MYRIP: variants seen among roughly 807,000 people sequenced by gnomAD.
MYRIP encodes rab effector MyRIP.
In MYRIP, 49 loss-of-function variants were observed where a neutral mutation model predicts 98.0. The observed-to-expected ratio is 0.50, with a 90% CI of 0.40 to 0.63. The LOEUF is 0.63. MYRIP is among the 30% of genes least tolerant of loss of function. MYRIP has a pLI of 0.00. For synonymous variants in MYRIP, 404 were observed against 409.5 expected (o/e 0.99, Z 0.16); for missense variants, 1,004 against 1,058.2 (o/e 0.95, Z 0.71).
chr3:39,995,758 A>G (rs1575447991), intron 2 of MYRIP, among the ~76,000 whole-genome samples: 1 of 152,346 alleles, frequency 6.6e-6, no homozygotes, highest in African/African-American at 2.4e-5. Flanking sequence ...GTTGAAATGA[A>G]GGAAAAAATG....
At chr3:40,034,065 A>C (rs192860381) in intron 2 of MYRIP, among the ~76,000 whole-genome samples, 9 of 152,286 alleles carry the variant, frequency 5.9e-5, no homozygotes, top group African/African-American at 2.2e-4. Flanking sequence ...TTATACAAAA[A>C]TTAATTCAAG....
chr3:39,958,648 T>G (rs570301654), intron 2 of MYRIP, among the ~76,000 whole-genome samples: 17 of 152,012 alleles, frequency 1.1e-4, no homozygotes, highest in African/African-American at 1.9e-4. Flanking sequence ...AACAACAAAA[T>G]CAATGGCAAC....
chr3:40,003,218 C>G (rs1229320330), intron 2 of MYRIP, among the ~76,000 whole-genome samples: 2 of 152,032 alleles, frequency 1.3e-5, no homozygotes, highest in African/African-American at 4.8e-5. Context: ...TATGTAGATA[C>G]AGAGAGCCAG....
At chr3:40,134,384 G>A (rs915504772) in intron 3 of MYRIP, among the ~76,000 whole-genome samples, 4 of 152,258 alleles carry the variant, frequency 2.6e-5, no homozygotes, top group Non-Finnish European at 2.9e-5. Context: ...AAAGCAGCCG[G>A]GAAGCTGGAA....
At chr3:39,919,933 T>C (rs1944271276) in intron 2 of MYRIP, among the ~76,000 whole-genome samples, 1 of 152,086 alleles carries the variant, frequency 6.6e-6, no homozygotes, top group African/African-American at 2.4e-5. Context: ...GTAGCTAGAG[T>C]ATCCTTACCT....
chr3:40,149,076 T>C (rs1325670206), intron 3 of MYRIP, among the ~76,000 whole-genome samples: 4 of 152,312 alleles, frequency 2.6e-5, no homozygotes, highest in Admixed American at 6.5e-5. Flanking sequence ...TTAGTCCATT[T>C]GTGTTGCTAG....
At chr3:40,119,259 A>C (rs1355194049) in intron 3 of MYRIP, among the ~76,000 whole-genome samples, 1 of 152,056 alleles carries the variant, frequency 6.6e-6, no homozygotes, top group Non-Finnish European at 1.5e-5. Flanking sequence ...CTGACTTTTT[A>C]ATGATTGCCA....
chr3:40,215,181 T>C (rs1287962824), intron 11 of MYRIP, among the ~76,000 whole-genome samples: 1 of 152,162 alleles, frequency 6.6e-6, no homozygotes, highest in African/African-American at 2.4e-5. Context: ...TTAAGAGTCT[T>C]TGTTTATTAA....
intron 1 of MYRIP, among the ~76,000 whole-genome samples, chr3:39,821,192 T>C (rs1314949968): frequency 6.6e-6 from 1 of 152,156 alleles, no homozygotes; most frequent in Non-Finnish European, 1.5e-5. Context: ...GTGCTCTGCA[T>C]GTTCAGTCAA....
chr3:40,119,352 A>G (rs1484553581), intron 3 of MYRIP, among the ~76,000 whole-genome samples: 1 of 152,252 alleles, frequency 6.6e-6, no homozygotes, highest in Non-Finnish European at 1.5e-5. Flanking sequence ...CTGATAAGAA[A>G]TATCTCCAGG....
chr3:40,125,345 G>A (rs992994094), intron 3 of MYRIP, among the ~76,000 whole-genome samples: 2 of 152,220 alleles, frequency 1.3e-5, no homozygotes, highest in African/African-American at 4.8e-5. Context: ...TGAAGAACTT[G>A]GAGTCTGATG....
chr3:40,119,372 T>C (rs1949349902), intron 3 of MYRIP, among the ~76,000 whole-genome samples: 1 of 152,240 alleles, frequency 6.6e-6, no homozygotes, highest in African/African-American at 2.4e-5. Context: ...GATGTGTTCT[T>C]ATGAAAAGAG....
intron 5 of MYRIP, among the ~76,000 whole-genome samples, chr3:40,163,839 T>C (rs1483033655): frequency 6.6e-6 from 1 of 152,176 alleles, no homozygotes; most frequent in African/African-American, 2.4e-5. Context: ...ATATATCCTA[T>C]TGGTTCTGTT....
At chr3:40,089,435 T>C (rs1237720425) in intron 3 of MYRIP, among the ~76,000 whole-genome samples, 2 of 152,210 alleles carry the variant, frequency 1.3e-5, no homozygotes. Flanking sequence ...TCATCCTTTT[T>C]CATTTACAAC....
At chr3:40,055,144 G>A (rs1213661184) in intron 3 of MYRIP, among the ~76,000 whole-genome samples, 2 of 152,198 alleles carry the variant, frequency 1.3e-5, no homozygotes, top group East Asian at 3.9e-4. Context: ...ACCCAGTCTT[G>A]AGGCCTTTAG....
chr3:39,822,581 A>G (rs1219171395), intron 1 of MYRIP, among the ~76,000 whole-genome samples: 1 of 152,216 alleles, frequency 6.6e-6, no homozygotes, highest in Non-Finnish European at 1.5e-5. Context: ...CCTCTGCTCT[A>G]TAGCATATTA....
chr3:40,102,892 A>G (rs1173351566), intron 3 of MYRIP, among the ~76,000 whole-genome samples: 1 of 151,966 alleles, frequency 6.6e-6, no homozygotes, highest in African/African-American at 2.4e-5. Flanking sequence ...GAAAAGCAAA[A>G]GTTTTACAAG....
At chr3:40,155,839 G>A (rs1415743016) in intron 4 of MYRIP, among the ~76,000 whole-genome samples, 4 of 151,784 alleles carry the variant, frequency 2.6e-5, no homozygotes, top group Non-Finnish European at 5.9e-5. Flanking sequence ...TGATGGGGTT[G>A]TTTGTTTTTT....
At chr3:40,253,509 C>T (rs1357172280) in intron 16 of MYRIP, among the ~76,000 whole-genome samples, 1 of 152,156 alleles carries the variant, frequency 6.6e-6, no homozygotes, top group Non-Finnish European at 1.5e-5. Context: ...AGCCTACAGG[C>T]CCTAGCCTAC....
Sources: allele counts gnomAD v4.1 joint callset (sites outside exome capture counted in the v4.1 genomes callset), GRCh38; gene constraint gnomAD v4.1.1; transcripts MANE v1.5; gene names NCBI Gene and HGNC (gene_info 2026-07-23, HGNC 2026-07-21).